The following FMO4 variants were observed in gnomAD, a reference collection of about 807,000 sequenced individuals.
The protein encoded by FMO4 is flavin containing dimethylaniline monoxygenase 4, also known as dimethylaniline monooxygenase [N-oxide-forming] 4.
FMO4 carries 38 observed loss-of-function variants against 43.3 expected under a neutral mutation model. The ratio of observed to expected loss-of-function variants is 0.88; its 90% CI spans 0.68 to 1.15. The LOEUF (loss-of-function observed/expected upper bound fraction) is 1.15. Among genes scored for constraint, FMO4 ranks in the 50% most tolerant of loss-of-function variants. The probability of loss-of-function intolerance (pLI) is 0.00; values close to 1 mark genes in which losing one functional copy is unlikely to be tolerated. For synonymous variants in FMO4, 224 were observed against 232.2 expected (o/e 0.96, Z 0.32); for missense variants, 631 against 663.3 (o/e 0.95, Z 0.54).
In FMO4 at chr1:171,341,773, G is replaced by A; in HGVS notation, c.1611G>A (p.Leu537=). ...TTATCTGTAAATCTTCACTTTTCTT[G>A]AAATTGGTGAGAGATAAACTACAGG... ...LLLICKSSLF[L]KLVRDKLQDR... The change falls in exon 10 of 10, where the codon TTG becomes TTA. Residue 537 remains leucine (L), a synonymous_variant. Coordinates refer to ENST00000367749, the MANE Select transcript of FMO4 (RefSeq NM_002022.3). 1.9e-6 allele frequency: 3 copies of A among 1,613,826 alleles called. No individual in the cohort carries two copies. In the South Asian group the frequency reaches 3.3e-5, roughly 18 times the overall value.
intron 3 of FMO4, among the ~76,000 whole-genome samples, chr1:171,322,111 T>C (rs1445528685): frequency 1.3e-5 from 2 of 152,188 alleles, no homozygotes; most frequent in Non-Finnish European, 2.9e-5. Context: ...AGTAAATGAT[T>C]CTTCTATGAA....
chr1:171,337,287 G>C (rs1425510305), intron 8 of FMO4, 69 bp from the exon 9 acceptor site: 3 of 1,016,714 alleles, frequency 3.0e-6, no homozygotes, highest in Non-Finnish European at 4.7e-6. Context: ...CTAGAAATGA[G>C]TGGGTGGAGA....
intron 2 of FMO4, among the ~76,000 whole-genome samples, chr1:171,319,162 T>C (rs1662308388): frequency 6.6e-6 from 1 of 152,162 alleles, no homozygotes; most frequent in Non-Finnish European, 1.5e-5. Flanking sequence ...GCGGGTATTT[T>C]ATTGAGTGGT....
chr1:171,327,389 T>C (rs1175284761), intron 5 of FMO4, among the ~76,000 whole-genome samples: 1 of 152,210 alleles, frequency 6.6e-6, no homozygotes, highest in Non-Finnish European at 1.5e-5. Flanking sequence ...TGAGTTCCCA[T>C]ACAGGCTCTG....
At chr1:171,317,961 T>A (rs1662261484) in intron 2 of FMO4, among the ~76,000 whole-genome samples, 1 of 151,986 alleles carries the variant, frequency 6.6e-6, no homozygotes, top group African/African-American at 2.4e-5. Flanking sequence ...CCCAACGGGG[T>A]CAAGGTACTG....
intron 8 of FMO4, among the ~76,000 whole-genome samples, chr1:171,335,869 C>T (rs1369642644): frequency 1.3e-5 from 2 of 152,166 alleles, no homozygotes; most frequent in Admixed American, 6.5e-5. Flanking sequence ...GCTTTCACAG[C>T]ATTATCCAAT....
intron 5 of FMO4, among the ~76,000 whole-genome samples, chr1:171,326,687 T>G (rs1372857957): frequency 6.6e-6 from 1 of 152,220 alleles, no homozygotes; most frequent in Non-Finnish European, 1.5e-5. Flanking sequence ...CATATAGCAT[T>G]GTCAGGGTAA....
At chr1:171,336,450 TG>T (rs1663118944) in intron 8 of FMO4, among the ~76,000 whole-genome samples, 1 of 152,192 alleles carries the variant, frequency 6.6e-6, no homozygotes, top group East Asian at 1.9e-4. Context: ...AGAGTCCAAG[TG>T]CTAAGACTGT....
intron 5 of FMO4, among the ~76,000 whole-genome samples, chr1:171,329,876 C>G (rs718016): frequency 0.31 from 47,349 of 152,056 alleles, 8,366 homozygotes; most frequent in African/African-American, 0.48. Flanking sequence ...CTATTGTTTA[C>G]TGTCCAGCTT....
chr1:171,332,204 A>G (rs1016590099), intron 6 of FMO4, among the ~76,000 whole-genome samples: 8 of 152,226 alleles, frequency 5.3e-5, no homozygotes, highest in African/African-American at 1.7e-4. Flanking sequence ...ACTAAAGGTG[A>G]TATCTGTACC....
In FMO4 at chr1:171,341,492, A is replaced by G; in HGVS notation, c.1330A>G (p.Lys444Glu). The part of the protein sequence containing the change: ...MDDIAACIGT[K>E]PSIPLLFLKD... Reference sequence around the variant, plus strand: ...TGATATCGCTGCCTGCATAGGCACAAAGCCCAGCATCCCACTTCTGTTCCT... The same window carrying G: ...TGATATCGCTGCCTGCATAGGCACAGAGCCCAGCATCCCACTTCTGTTCCT... The change falls in exon 10 of 10, where the codon AAG (lysine) becomes GAG (glutamate). Residue 444 changes from lysine (K) to glutamate (E), a missense_variant. Physicochemically the swap from Lys to Glu is moderately conservative, Grantham distance 56 (BLOSUM62 1). Coordinates refer to ENST00000367749, the MANE Select transcript of FMO4 (RefSeq NM_002022.3). The G allele has an allele frequency of 1.2e-6, 2 of 1,613,976 alleles. No individual in the cohort carries two copies. The highest frequency in any genetic ancestry group is 1.7e-6 in the Non-Finnish European group (2 of 1,179,916).
At position 171,316,301 on chromosome 1, in the gene FMO4, T is replaced by C. The variant is rs1662198460; in HGVS notation, c.-35T>C. 1 of 152,162 alleles carries C rather than the reference T, an allele frequency of 6.6e-6. No individual in the cohort carries two copies. The highest frequency in any genetic ancestry group is 2.4e-5 in the African/African-American group (1 of 41,442). The allele number at this position is 152,162 out of a possible 1,614,324, so 9.4% of individuals were successfully genotyped here. A position where few individuals can be genotyped will look rare whatever the true frequency, so the allele number is the denominator to read the frequency against. ...CTGATTAGAAGCTGTCTAAACCTCC[T>C]ACTCCTCAACTCAAAGGAAAACACA... On this transcript the variant is annotated 5_prime_UTR_variant, in exon 2 of 10. Transcript: ENST00000367749.
At chr1:171,317,288 CAG>C (rs945801996) in intron 2 of FMO4, among the ~76,000 whole-genome samples, 2 of 152,180 alleles carry the variant, frequency 1.3e-5, no homozygotes, top group African/African-American at 4.8e-5. Flanking sequence ...AAAAATCACA[CAG>C]GGGTTATACA....
chr1:171,322,832 GA>G (rs1662490257), intron 3 of FMO4, among the ~76,000 whole-genome samples, 171 bp from the exon 4 acceptor site: 2 of 152,092 alleles, frequency 1.3e-5, no homozygotes, highest in African/African-American at 4.8e-5. Flanking sequence ...TAGCCTGGGT[GA>G]TAGAGTGAGA....
At chr1:171,316,865 G>A (rs1662221460) in intron 2 of FMO4, among the ~76,000 whole-genome samples, 1 of 152,184 alleles carries the variant, frequency 6.6e-6, no homozygotes, top group Admixed American at 6.5e-5. Context: ...GTAAGTCTAA[G>A]GGTTCCTGGA....
intron 6 of FMO4, among the ~76,000 whole-genome samples, chr1:171,332,156 A>C (rs1662927086): frequency 6.6e-6 from 1 of 152,148 alleles, no homozygotes; most frequent in South Asian, 2.1e-4. Flanking sequence ...CTATGTAAGA[A>C]TAGAAAGGTC....
In FMO4 at chr1:171,320,011, C is replaced by G. The variant is rs149818062; in HGVS notation, c.132+54C>G. The G allele has an allele frequency of 2.8e-3, 4,551 of 1,601,548 alleles. 27 individuals carry two copies. Among genetic ancestry groups the G allele is most frequent in the Middle Eastern group, 0.015 (87 of 5,838 alleles). On this transcript the variant is annotated intron_variant, in intron 3 of 9. Transcript: ENST00000367749. ...TCTGGCCATTTGCTTTGTCTCTGCTCAGACATGGTGGCTTTAGCCTGCCTT... is the reference window on the plus strand; with the variant it reads ...TCTGGCCATTTGCTTTGTCTCTGCTGAGACATGGTGGCTTTAGCCTGCCTT...
chr1:171,317,957 G>A (rs983974237), intron 2 of FMO4, among the ~76,000 whole-genome samples: 7 of 152,200 alleles, frequency 4.6e-5, no homozygotes, highest in South Asian at 2.1e-4. Context: ...GCATCCCAAC[G>A]GGGTCAAGGT....
At chr1:171,317,145 A>G (rs1296865231) in intron 2 of FMO4, among the ~76,000 whole-genome samples, 1 of 152,198 alleles carries the variant, frequency 6.6e-6, no homozygotes, top group Non-Finnish European at 1.5e-5. Flanking sequence ...TCTGCCTCTT[A>G]ATAGCAGTGT....
Sources: allele counts gnomAD v4.1 joint callset (sites outside exome capture counted in the v4.1 genomes callset), GRCh38; gene constraint gnomAD v4.1.1; transcripts MANE v1.5; gene names NCBI Gene and HGNC (gene_info 2026-07-23, HGNC 2026-07-21).